The following PPP2R5E variants were observed in gnomAD, a reference collection of about 807,000 sequenced individuals.
The protein encoded by PPP2R5E is protein phosphatase 2 regulatory subunit B'epsilon, also known as serine/threonine-protein phosphatase 2A 56 kDa regulatory subunit epsilon isoform.
PPP2R5E carries 4 observed loss-of-function variants against 65.3 expected under a neutral mutation model. The ratio of observed to expected loss-of-function variants is 0.06; its 90% CI spans 0.03 to 0.14. The LOEUF is 0.14. PPP2R5E is among the 10% of genes least tolerant of loss of function. PPP2R5E has a pLI of 1.00. For synonymous variants in PPP2R5E, 183 were observed against 187.4 expected (o/e 0.98, Z 0.19); for missense variants, 274 against 556.1 (o/e 0.49, Z 5.10).
chr14:63,449,959 T>C (rs1225047893), intron 3 of PPP2R5E, among the ~76,000 whole-genome samples: 4 of 132,596 alleles, frequency 3.0e-5, no homozygotes, highest in African/African-American at 1.2e-4. Context: ...CACCGCAACC[T>C]CCACCACCCA....
chr14:63,503,436 A>G (rs906013312), intron 2 of PPP2R5E, among the ~76,000 whole-genome samples: 1 of 152,212 alleles, frequency 6.6e-6, no homozygotes, highest in Non-Finnish European at 1.5e-5. Context: ...AAGCATTTGA[A>G]CCACCTGGAC....
chr14:63,421,246 G>C (rs1255356884), intron 4 of PPP2R5E, among the ~76,000 whole-genome samples: 1 of 151,962 alleles, frequency 6.6e-6, no homozygotes, highest in Non-Finnish European at 1.5e-5. Context: ...GGTGACTTTG[G>C]GGTTCAACAT....
chr14:63,451,933 A>G (rs968164598), intron 3 of PPP2R5E: 1 of 152,220 alleles, frequency 6.6e-6, no homozygotes, highest in Admixed American at 6.5e-5. Context: ...ATGTCCTCAT[A>G]CAAAGGCAAA....
intron 2 of PPP2R5E, among the ~76,000 whole-genome samples, chr14:63,481,431 G>C (rs1890692596): frequency 6.6e-6 from 1 of 151,010 alleles, no homozygotes; most frequent in African/African-American, 2.4e-5. Context: ...AGGGGGCGGA[G>C]GTTGCAGTGA....
intron 3 of PPP2R5E, among the ~76,000 whole-genome samples, chr14:63,423,687 GAAGA>G (rs1299627427): frequency 6.6e-6 from 1 of 152,204 alleles, no homozygotes; most frequent in Non-Finnish European, 1.5e-5. Flanking sequence ...AAAGAGGAAA[GAAGA>G]AAGGCTTTGG....
chr14:63,422,153 G>A, intron 3 of PPP2R5E, 59 bp from the exon 4 acceptor site: 1 of 1,399,620 alleles, frequency 7.1e-7, no homozygotes, highest in Non-Finnish European at 1.0e-6. Context: ...TTTTACACAA[G>A]GTCCTTGGAG....
At chr14:63,404,923 ATAATTTGTGGGGC>A (rs1226134976) in intron 5 of PPP2R5E, among the ~76,000 whole-genome samples, 2 of 152,352 alleles carry the variant, frequency 1.3e-5, no homozygotes, top group East Asian at 3.9e-4. Flanking sequence ...GACTAGCTAC[ATAATTTGTGGGGC>A]CTAGTGCAAA....
intron 2 of PPP2R5E, among the ~76,000 whole-genome samples, chr14:63,531,037 A>G (rs1893411189): frequency 6.6e-6 from 1 of 152,228 alleles, no homozygotes; most frequent in African/African-American, 2.4e-5. Flanking sequence ...TTATCTCTTC[A>G]TTACAACTGG....
At chr14:63,377,543 G>T (rs951360016) in intron 13 of PPP2R5E, among the ~76,000 whole-genome samples, 1 of 152,110 alleles carries the variant, frequency 6.6e-6, no homozygotes, top group African/African-American at 2.4e-5. Context: ...TGCCATAATA[G>T]TCTGGTATTA....
chr14:63,444,836 C>T (rs982571893), intron 3 of PPP2R5E, among the ~76,000 whole-genome samples: 5 of 152,174 alleles, frequency 3.3e-5, no homozygotes, highest in African/African-American at 1.2e-4. Context: ...TGGAGCAAAG[C>T]CTAAAGGAGC....
chr14:63,410,879 C>G (rs1310423517), intron 5 of PPP2R5E, among the ~76,000 whole-genome samples: 1 of 152,024 alleles, frequency 6.6e-6, no homozygotes, highest in Non-Finnish European at 1.5e-5. Flanking sequence ...CTGGGGTGAG[C>G]CCTGGTGTGA....
In PPP2R5E at chr14:63,422,089, A is replaced by G; in HGVS notation, c.360T>C (p.Ser120=). The G allele has an allele frequency of 6.2e-7, 1 of 1,610,062 alleles. No individual in the cohort carries two copies. ...GAGGGAGAGTTCTGAATATATTGCA[A>G]GATACCTAAAAATAAACAAGCAGCA... ...QTYPEVVRMV[S]CNIFRTLPPS... is the part of the protein sequence containing the mutation. Residue 120 remains serine, a synonymous_variant, in exon 4 of 14, where the codon TCT becomes TCC. Transcript: ENST00000337537.
chr14:63,538,891 AC>A (rs1431441625), intron 2 of PPP2R5E, among the ~76,000 whole-genome samples: 1 of 151,940 alleles, frequency 6.6e-6, no homozygotes, highest in Non-Finnish European at 1.5e-5. Context: ...GTTGCTGTGA[AC>A]CAGCCTGAGC....
At chr14:63,437,889 C>T (rs1888023038) in intron 3 of PPP2R5E, among the ~76,000 whole-genome samples, 1 of 152,114 alleles carries the variant, frequency 6.6e-6, no homozygotes, top group African/African-American at 2.4e-5. Flanking sequence ...CTTGTGTGTG[C>T]CACTCCTGAC....
chr14:63,522,512 C>T (rs1892965078), intron 2 of PPP2R5E, among the ~76,000 whole-genome samples: 2 of 151,784 alleles, frequency 1.3e-5, no homozygotes, highest in Non-Finnish European at 2.9e-5. Flanking sequence ...CGCCTCTTCC[C>T]GGCCGCCATC....
intron 11 of PPP2R5E, among the ~76,000 whole-genome samples, chr14:63,385,983 T>A (rs1884643593): frequency 6.6e-6 from 1 of 152,134 alleles, no homozygotes; most frequent in Admixed American, 6.5e-5. Flanking sequence ...TTGGATTTCA[T>A]GAATTCAAAA....
intron 2 of PPP2R5E, among the ~76,000 whole-genome samples, chr14:63,529,309 C>CCTCCCAGCA (rs1472037889): frequency 6.6e-6 from 1 of 151,916 alleles, no homozygotes; most frequent in Non-Finnish European, 1.5e-5. Flanking sequence ...CCCACCTCAG[C>CCTCCCAGCA]CTCCCAAAGT....
At chr14:63,377,369 A>AT (rs957905261) in intron 13 of PPP2R5E, among the ~76,000 whole-genome samples, 2 of 151,960 alleles carry the variant, frequency 1.3e-5, no homozygotes, top group East Asian at 3.9e-4. Flanking sequence ...CCAATGCCTC[A>AT]TTTTTTTTAA....
intron 9 of PPP2R5E, 28 bp from the exon 10 acceptor site, chr14:63,391,895 G>T: frequency 6.2e-7 from 1 of 1,610,918 alleles, no homozygotes; most frequent in Non-Finnish European, 8.5e-7. Flanking sequence ...AAAACAAATG[G>T]CATTTAACTT....
Sources: gnomAD v4.1 joint callset for allele counts (sites outside exome capture counted in the v4.1 genomes callset) on GRCh38, gnomAD v4.1.1 for gene constraint, MANE v1.5 for transcripts, NCBI Gene and HGNC (gene_info 2026-07-23, HGNC 2026-07-21) for gene names.